TACR3: variants seen among roughly 807,000 people sequenced by gnomAD.
TACR3 encodes the protein neuromedin-K receptor.
In TACR3, 34 loss-of-function variants were observed where a neutral mutation model predicts 35.0. The observed-to-expected ratio is 0.97, with a 90% CI of 0.74 to 1.30. The LOEUF (loss-of-function observed/expected upper bound fraction) is 1.30. TACR3 is among the 50% of genes most tolerant of loss of function. The probability of loss-of-function intolerance (pLI) is 0.00; values close to 1 mark genes in which losing one functional copy is unlikely to be tolerated. For synonymous variants in TACR3, 233 were observed against 221.1 expected (o/e 1.05, Z -0.48); for missense variants, 558 against 591.7 (o/e 0.94, Z 0.59).
At chr4:103,639,625 G>T (rs1226661780) in intron 3 of TACR3, among the ~76,000 whole-genome samples, 1 of 151,574 alleles carries the variant, frequency 6.6e-6, no homozygotes, top group Non-Finnish European at 1.5e-5. Context: ...AAAATCAGTT[G>T]ACCACAAAAA....
chr4:103,637,979 A>G (rs950278564), intron 3 of TACR3, among the ~76,000 whole-genome samples: 1 of 152,188 alleles, frequency 6.6e-6, no homozygotes, highest in Non-Finnish European at 1.5e-5. Context: ...GCTCATGGGT[A>G]GGAAGAATCA....
At chr4:103,641,086 T>G (rs2110319621) in intron 3 of TACR3, among the ~76,000 whole-genome samples, 1 of 152,092 alleles carries the variant, frequency 6.6e-6, no homozygotes, top group South Asian at 2.1e-4. Flanking sequence ...TTATATACTA[T>G]GATTTAAGGG....
intron 1 of TACR3, among the ~76,000 whole-genome samples, chr4:103,675,720 G>A (rs760676774): frequency 9.2e-5 from 14 of 152,034 alleles, no homozygotes; most frequent in Admixed American, 3.9e-4. Context: ...GGAAGGAGTG[G>A]TAGACACGTC....
intron 1 of TACR3, among the ~76,000 whole-genome samples, chr4:103,659,060 A>G (rs971654239): frequency 6.6e-5 from 10 of 152,108 alleles, no homozygotes; most frequent in African/African-American, 2.2e-4. Flanking sequence ...TTGGCTTTCT[A>G]TGAGAATCTA....
intron 3 of TACR3, among the ~76,000 whole-genome samples, chr4:103,640,524 CTTGTTG>C (rs1483848346): frequency 6.6e-6 from 1 of 151,754 alleles, no homozygotes; most frequent in East Asian, 1.9e-4. Context: ...TACTTGTTTT[CTTGTTG>C]TTGGTTTGTT....
chr4:103,631,889 T>C (rs960405233), intron 3 of TACR3, among the ~76,000 whole-genome samples: 2 of 152,186 alleles, frequency 1.3e-5, no homozygotes, highest in African/African-American at 4.8e-5. Context: ...TAAAATACTT[T>C]CCTTTTTCTA....
chr4:103,671,894 C>A (rs1235284770), intron 1 of TACR3, among the ~76,000 whole-genome samples: 1 of 152,038 alleles, frequency 6.6e-6, no homozygotes, highest in Admixed American at 6.6e-5. Flanking sequence ...CTGTAGCATG[C>A]AATGCTATTT....
chr4:103,665,265 A>G (rs534229649), intron 1 of TACR3, among the ~76,000 whole-genome samples: 1 of 152,120 alleles, frequency 6.6e-6, no homozygotes, highest in African/African-American at 2.4e-5. Context: ...CTATTCATAT[A>G]TGTATATATG....
chr4:103,634,236 CTGCAT>C (rs1725130669), intron 3 of TACR3, among the ~76,000 whole-genome samples: 1 of 152,084 alleles, frequency 6.6e-6, no homozygotes, highest in East Asian at 1.9e-4. Context: ...ATGGAATTTT[CTGCAT>C]TGCTTAAAAA....
At chr4:103,691,242 A>T (rs539987912) in intron 1 of TACR3, among the ~76,000 whole-genome samples, 3 of 152,220 alleles carry the variant, frequency 2.0e-5, no homozygotes. Flanking sequence ...TGGAGCAGCC[A>T]TACAGTGGAA....
intron 3 of TACR3, among the ~76,000 whole-genome samples, chr4:103,647,118 A>C (rs1292699184): frequency 6.6e-6 from 1 of 151,894 alleles, no homozygotes; most frequent in Non-Finnish European, 1.5e-5. Context: ...TACAACTGCA[A>C]GTGTATTTTA....
At chr4:103,655,075 GA>G in intron 3 of TACR3, among the ~76,000 whole-genome samples, 1 of 152,166 alleles carries the variant, frequency 6.6e-6, no homozygotes, top group East Asian at 1.9e-4. Context: ...TGTACATCCT[GA>G]AATGAGTAAA....
intron 1 of TACR3, among the ~76,000 whole-genome samples, chr4:103,694,132 T>A (rs1346019417): frequency 1.3e-5 from 2 of 152,146 alleles, no homozygotes; most frequent in Admixed American, 6.6e-5. Flanking sequence ...AAGCCTTTTT[T>A]TCCCTCCTTA....
Position 103,679,640 on chromosome 4 carries a change from G to A in TACR3, c.549-21237C>T, listed in dbSNP as rs371719465. Among the ~76,000 whole-genome samples the A allele has an allele frequency of 5.9e-5, 9 of 151,902 alleles. No homozygotes were observed. In the East Asian group the frequency reaches 9.7e-4, roughly 16 times the overall value. The stretch of plus-strand genomic sequence containing the variant: ...GGAGATGGTATGAATCCTTTTAATT[G>A]AGCTCTACTTGTTTTATGAGACACC... On this transcript the variant is annotated intron_variant, in intron 1 of 4. Transcript: ENST00000304883.
At chr4:103,707,860 C>T (rs187121168) in intron 1 of TACR3, among the ~76,000 whole-genome samples, 16 of 152,188 alleles carry the variant, frequency 1.1e-4, no homozygotes, top group South Asian at 2.1e-4. Flanking sequence ...TTATATCCTG[C>T]GCCTGGCTCA....
intron 1 of TACR3, among the ~76,000 whole-genome samples, chr4:103,666,526 G>T (rs1725939133): frequency 1.3e-5 from 2 of 152,034 alleles, no homozygotes; most frequent in Non-Finnish European, 1.5e-5. Context: ...AGTAATAATT[G>T]CTAATGCATG....
intron 1 of TACR3, among the ~76,000 whole-genome samples, chr4:103,699,628 G>T (rs113012170): frequency 1.3e-5 from 2 of 152,190 alleles, no homozygotes; most frequent in African/African-American, 4.8e-5. Context: ...ATATTGGCTC[G>T]GACTAAGGTA....
chr4:103,626,378 CAAAA>C (rs1368671980), intron 3 of TACR3, among the ~76,000 whole-genome samples: 1 of 151,948 alleles, frequency 6.6e-6, no homozygotes. Context: ...GACGCTAAGA[CAAAA>C]AAGCCTGTCC....
chr4:103,629,166 A>G (rs1359112016), intron 3 of TACR3, among the ~76,000 whole-genome samples: 1 of 152,162 alleles, frequency 6.6e-6, no homozygotes, highest in Non-Finnish European at 1.5e-5. Flanking sequence ...ATTTATGACA[A>G]ACCCACAGCC....
Sources: allele counts gnomAD v4.1 joint callset (sites outside exome capture counted in the v4.1 genomes callset), GRCh38; gene constraint gnomAD v4.1.1; transcripts MANE v1.5; gene names NCBI Gene and HGNC (gene_info 2026-07-23, HGNC 2026-07-21).